MED13L: variants seen among roughly 807,000 people sequenced by gnomAD.
The protein encoded by MED13L is mediator of RNA polymerase II transcription subunit 13-like.
MED13L carries 7 observed loss-of-function variants against 220.9 expected under a neutral mutation model. That is an observed-to-expected ratio of 0.03 (90% confidence interval 0.02 to 0.06). MED13L has a LOEUF of 0.06. MED13L is among the 10% of genes least tolerant of loss of function. MED13L has a pLI of 1.00. For synonymous variants in MED13L, 1,011 were observed against 1,015.2 expected, an observed-to-expected ratio of 1.00 and a Z score of 0.08; for missense variants, 1,965 against 2,760.5, an observed-to-expected ratio of 0.71 and a Z score of 6.46.
chr12:116,073,330 G>A (rs1870536895), intron 4 of MED13L, among the ~76,000 whole-genome samples: 1 of 152,186 alleles, frequency 6.6e-6, no homozygotes, highest in Admixed American at 6.5e-5. Context: ...AGCTCTGTAA[G>A]CTTGGGAAGT....
At chr12:116,147,887 T>A (rs1460069062) in intron 2 of MED13L, among the ~76,000 whole-genome samples, 1 of 151,100 alleles carries the variant, frequency 6.6e-6, no homozygotes. Context: ...GAGGTTTTTT[T>A]AACAAAAAAA....
intron 4 of MED13L, among the ~76,000 whole-genome samples, chr12:116,095,879 C>T (rs181336676): frequency 6.6e-6 from 1 of 152,072 alleles, no homozygotes; most frequent in African/African-American, 2.4e-5. Context: ...TCAAGGATTG[C>T]ATTTAAACAC....
intron 3 of MED13L, among the ~76,000 whole-genome samples, chr12:116,104,303 C>T (rs1873361274): frequency 6.6e-6 from 1 of 152,110 alleles, no homozygotes; most frequent in Non-Finnish European, 1.5e-5. Flanking sequence ...AGCCATGTGT[C>T]CGGCCTCATT....
chr12:116,152,986 CAGTCCCAGGTAGAACACGCCCAGGT>C (rs1878165984), intron 2 of MED13L, among the ~76,000 whole-genome samples: 1 of 151,768 alleles, frequency 6.6e-6, no homozygotes, highest in African/African-American at 2.4e-5. Context: ...ATCTGGAGTC[CAGTCCCAGGTAGAACACGCCCAGGT>C]AGGACATTTA....
chr12:116,258,777 GAA>G (rs558738933), intron 1 of MED13L, among the ~76,000 whole-genome samples: 6 of 56,120 alleles, frequency 1.1e-4, no homozygotes, highest in South Asian at 4.6e-4. Context: ...CTCCATCTCA[GAA>G]AAAAAAAAAA....
chr12:116,081,536 A>C (rs1310937473), intron 4 of MED13L, among the ~76,000 whole-genome samples: 1 of 152,254 alleles, frequency 6.6e-6, no homozygotes, highest in Non-Finnish European at 1.5e-5. Context: ...ATGTTAGAAT[A>C]TAATTCAACT....
chr12:116,266,180 T>A (rs1484082840), intron 1 of MED13L, among the ~76,000 whole-genome samples: 1 of 152,210 alleles, frequency 6.6e-6, no homozygotes, highest in Non-Finnish European at 1.5e-5. Flanking sequence ...CCGTCCAATC[T>A]CAGCCCTAAT....
At chr12:116,108,406 T>TGGGG (rs1565881144) in intron 3 of MED13L, among the ~76,000 whole-genome samples, 3 of 16,128 alleles carry the variant, frequency 1.9e-4, no homozygotes, top group South Asian at 1.8e-3. Context: ...GGGGGGCGCG[T>TGGGG]GGGGGGTGGG....
In MED13L at chr12:115,987,162, T is replaced by C; in HGVS notation, c.4061A>G (p.Gln1354Arg). The C allele has an allele frequency of 6.2e-7, 1 of 1,614,172 alleles. No homozygotes were observed. The highest frequency in any genetic ancestry group is 8.5e-7 in the Non-Finnish European group (1 of 1,180,012). Residue 1354 changes from glutamine to arginine, a missense_variant, in exon 18 of 31, where the codon CAG becomes CGG. By Grantham distance (43) the Gln-to-Arg change is conservative. This residue lies in a region of MED13L where 21 missense variants were observed against 73.9 expected (regional missense o/e 0.28). Transcript: ENST00000281928. Reference sequence around the variant, plus strand: ...GAACTGCTGCCAAGTGAGTGGTCCCTGCACATGCTGGATGTTCTCCCAGGT... The same window carrying C: ...GAACTGCTGCCAAGTGAGTGGTCCCCGCACATGCTGGATGTTCTCCCAGGT... ...GRTWENIQHV[Q>R]GPLTWQQFHK...
At chr12:116,026,176 G>A (rs762692847) in intron 4 of MED13L, among the ~76,000 whole-genome samples, 7 of 152,084 alleles carry the variant, frequency 4.6e-5, no homozygotes, top group Non-Finnish European at 8.8e-5. Context: ...TTGAGACATC[G>A]GAAGACTCGT....
chr12:116,162,967 T>C (rs1044297794), intron 2 of MED13L, among the ~76,000 whole-genome samples: 4 of 152,206 alleles, frequency 2.6e-5, no homozygotes, highest in African/African-American at 9.6e-5. Context: ...TTCAAACTCC[T>C]GGGCTCAAGT....
At chr12:116,230,432 C>A in intron 2 of MED13L, 1 of 962,886 alleles carries the variant, frequency 1.0e-6, no homozygotes, top group Non-Finnish European at 1.2e-6. Context: ...ATGAAACTTA[C>A]TTTTCAGGTG....
At chr12:115,980,694 C>A in intron 23 of MED13L, 56 bp downstream of exon 23, 1 of 1,565,210 alleles carries the variant, frequency 6.4e-7, no homozygotes, top group Non-Finnish European at 8.8e-7. Context: ...TAAAATACCT[C>A]TTCTAGCTTG....
In MED13L at chr12:116,015,168, G is replaced by A. The variant is rs1486873393; in HGVS notation, c.1116C>T (p.Leu372=). 6.2e-7 allele frequency: 1 copy of A among 1,613,746 alleles called. No homozygotes were observed. Among genetic ancestry groups the A allele is most frequent in the Non-Finnish European group, 8.5e-7 (1 of 1,179,898 alleles). Residue 372 remains leucine (L), a synonymous_variant, in exon 8 of 31, where the codon CTC becomes CTT. Coordinates refer to ENST00000281928, the MANE Select transcript of MED13L (RefSeq NM_015335.5). ...AGACTCGATGGACCATATGATTGTG[G>A]AGTTTTGGAGGAATCTTCCCCGATC... The part of the protein sequence containing the change: ...PKRSGKIPPK[L]HNHMVHRVWK...
intron 2 of MED13L, among the ~76,000 whole-genome samples, chr12:116,137,852 AT>A (rs5801166): frequency 0.1 from 11,849 of 118,254 alleles, 587 homozygotes; most frequent in East Asian, 0.31. Context: ...TAATGAGGTA[AT>A]TTTTTTTTTT....
chr12:116,254,324 CG>C (rs1237579197), intron 1 of MED13L, among the ~76,000 whole-genome samples: 3 of 151,962 alleles, frequency 2.0e-5, no homozygotes, highest in African/African-American at 7.3e-5. Context: ...TCATCACGTA[CG>C]TTTTTTAAAA....
intron 2 of MED13L, among the ~76,000 whole-genome samples, chr12:116,189,246 CA>C (rs145481411): frequency 0.17 from 26,084 of 152,042 alleles, 2,467 homozygotes; most frequent in Middle Eastern, 0.27. Flanking sequence ...TTTTAAATGG[CA>C]ATTTTGGTAA....
Position 115,991,154 on chromosome 12 carries a change from T to G in MED13L, c.3800A>C (p.Asp1267Ala). Residue 1267 changes from aspartate to alanine, a missense_variant, in exon 17 of 31, where the codon GAT becomes GCT. Physicochemically the swap from Asp to Ala is moderately radical, Grantham distance 126. Around this residue, in one of 10 missense-constraint regions of MED13L, gnomAD observed 165 missense variants for 190.8 expected, o/e 0.86. Transcript: ENST00000281928. This position sits in a 1 kb window ranked among gnomAD's most constrained non-coding sequence, Gnocchi z 7.7. ...VSWSYDRVQA[D>A]NNDYWTECFN... ...GCATTCCGTCCAGTAATCATTATTA[T>G]CTGCTTGCACCCGGTCATAACTCCA... The G allele has an allele frequency of 6.2e-7, 1 of 1,614,210 alleles. No individual in the cohort carries two copies. Among genetic ancestry groups the G allele is most frequent in the Non-Finnish European group, 8.5e-7 (1 of 1,180,034 alleles).
At chr12:116,210,905 A>C (rs544795189) in intron 2 of MED13L, among the ~76,000 whole-genome samples, 1 of 152,172 alleles carries the variant, frequency 6.6e-6, no homozygotes, top group Non-Finnish European at 1.5e-5. Flanking sequence ...GACACTGAAA[A>C]GCACTCTCAT....
Sources: gnomAD v4.1 joint callset for allele counts (sites outside exome capture counted in the v4.1 genomes callset) on GRCh38, gnomAD v4.1.1 for gene constraint, gnomAD v4.1.1 regional missense constraint, Gnocchi (gnomAD v3.1) non-coding constraint, MANE v1.5 for transcripts, NCBI Gene and HGNC (gene_info 2026-07-23, HGNC 2026-07-21) for gene names.